The following ADH7 variants were observed in gnomAD, a reference collection of about 807,000 sequenced individuals.
ADH7 encodes the protein all-trans-retinol dehydrogenase [NAD(+)] ADH7.
ADH7 carries 41 observed loss-of-function variants against 34.4 expected under a neutral mutation model. That is an observed-to-expected ratio of 1.19 (90% CI 0.93 to 1.55). ADH7 has a LOEUF of 1.55. ADH7 is among the 40% of genes most tolerant of loss of function. The pLI is 0.00. For missense variants in ADH7, 540 were observed against 461.2 expected, an observed-to-expected ratio of 1.17 and a Z score of -1.56; for synonymous variants, 180 against 160.9, an observed-to-expected ratio of 1.12 and a Z score of -0.90.
Position 99,428,562 on chromosome 4 carries a change from T to C in ADH7, c.189A>G (p.Pro63=). The part of the protein sequence containing the change: ...VIKGTMVSKF[P]VIVGHEATGI... ...CAGTTGCCTCATGTCCCACAATCAC[T>C]GGAAACTTGGACACCATTGTTCCTT... Residue 63 remains proline, a synonymous_variant, in exon 3 of 9, where the codon CCA becomes CCG. Coordinates refer to ENST00000437033, the MANE Select transcript of ADH7 (RefSeq NM_000673.7). The C allele has an allele frequency of 6.2e-7, 1 of 1,613,982 alleles. No individual in the cohort carries two copies. The highest frequency in any genetic ancestry group is 8.5e-7 in the Non-Finnish European group (1 of 1,179,888).
Position 99,415,409 on chromosome 4 carries a change from C to T in ADH7, c.1100+69G>A, listed in dbSNP as rs564388118. ...AAATAAAATATGAAGAAAACAGGCA[C>T]ATTTATAAGTACTAAATTTTAAAAG... is the stretch of plus-strand genomic sequence containing the variant. On this transcript the variant is annotated intron_variant, in intron 8 of 8. Transcript: ENST00000437033. 8.2e-6 allele frequency: 12 copies of T among 1,460,940 alleles called. No individual in the cohort carries two copies. In the Admixed American group the frequency reaches 1.1e-4, roughly 14 times the overall value. 90.5% of individuals were successfully genotyped at this position (1,460,940 alleles called of 1,614,324 possible). A position where few individuals can be genotyped will look rare whatever the true frequency, so the allele number is the denominator to read the frequency against.
intron 7 of ADH7, among the ~76,000 whole-genome samples, chr4:99,417,001 G>T (rs1223165171): frequency 6.6e-6 from 1 of 152,010 alleles, no homozygotes; most frequent in East Asian, 1.9e-4. Flanking sequence ...AAATTTTGTT[G>T]ACTCTATCTT....
intron 8 of ADH7, 27 bp downstream of exon 8, chr4:99,415,451 G>A (rs760762935): frequency 6.2e-7 from 1 of 1,604,724 alleles, no homozygotes; most frequent in Admixed American, 1.7e-5. Context: ...GTGGAGAAGA[G>A]ACAAGATCAT....
At chr4:99,418,736 G>A (rs527664434) in intron 7 of ADH7, among the ~76,000 whole-genome samples, 2 of 152,224 alleles carry the variant, frequency 1.3e-5, no homozygotes, top group Non-Finnish European at 2.9e-5. Context: ...AACACTACTG[G>A]TGTCTCTCAT....
At chr4:99,426,792 A>T (rs1469386589) in intron 5 of ADH7, among the ~76,000 whole-genome samples, 1 of 152,214 alleles carries the variant, frequency 6.6e-6, no homozygotes, top group Non-Finnish European at 1.5e-5. Flanking sequence ...CTTGATGAAC[A>T]TTGATGCAAA....
chr4:99,427,434 AG>A (rs930602902), intron 5 of ADH7, among the ~76,000 whole-genome samples: 2 of 152,158 alleles, frequency 1.3e-5, no homozygotes, highest in Admixed American at 6.6e-5. Context: ...TAGGAGTAAA[AG>A]CTCTGACAAA....
intron 1 of ADH7, among the ~76,000 whole-genome samples, chr4:99,431,312 C>T (rs1244176010): frequency 6.6e-6 from 1 of 152,078 alleles, no homozygotes. Flanking sequence ...TTATATCATA[C>T]ATAAAAGTTA....
At chr4:99,417,283 A>G (rs975510528) in intron 7 of ADH7, among the ~76,000 whole-genome samples, 7 of 152,120 alleles carry the variant, frequency 4.6e-5, no homozygotes, top group East Asian at 1.9e-4. Context: ...ATATAATTTA[A>G]GGTCCTCTGA....
chr4:99,423,103 T>C (rs1180573408), intron 5 of ADH7, among the ~76,000 whole-genome samples: 43 of 145,006 alleles, frequency 3.0e-4, no homozygotes, highest in South Asian at 1.6e-3. Flanking sequence ...GTTCAATTCC[T>C]ATCTATGAGT....
At chr4:99,424,219 A>T (rs1194863835) in intron 5 of ADH7, among the ~76,000 whole-genome samples, 3 of 152,006 alleles carry the variant, frequency 2.0e-5, no homozygotes, top group Admixed American at 6.6e-5. Context: ...GAGGGCTCTG[A>T]TCTGTTCCAT....
At chr4:99,421,067 A>G (rs1721647122) in intron 5 of ADH7, among the ~76,000 whole-genome samples, 1 of 152,244 alleles carries the variant, frequency 6.6e-6, no homozygotes, top group Non-Finnish European at 1.5e-5. Flanking sequence ...GAAAATGGCC[A>G]TACTGCCCAA....
intron 6 of ADH7, among the ~76,000 whole-genome samples, chr4:99,420,105 GT>G (rs749826297): frequency 5.0e-4 from 76 of 152,298 alleles, no homozygotes; most frequent in Non-Finnish European, 2.5e-4. Flanking sequence ...GAGTGAGAAG[GT>G]CGATGGATCA....
At chr4:99,427,695 A>C in intron 5 of ADH7, 78 bp downstream of exon 5, 2 of 1,095,454 alleles carry the variant, frequency 1.8e-6, no homozygotes, top group Non-Finnish European at 2.4e-6. Context: ...TTTTTTTTCC[A>C]AAACTCTTCA....
intron 8 of ADH7, among the ~76,000 whole-genome samples, chr4:99,414,006 G>C (rs1721463705): frequency 6.6e-6 from 1 of 152,188 alleles, no homozygotes; most frequent in African/African-American, 2.4e-5. Flanking sequence ...TGTGCAGGAA[G>C]TAGGTGGAAA....
chr4:99,428,091 T>C lies in ADH7; in HGVS notation c.343A>G (p.Ser115Gly). 1 of 1,613,968 alleles carries C rather than the reference T, an allele frequency of 6.2e-7. No individual in the cohort carries two copies. The highest frequency in any genetic ancestry group is 8.5e-7 in the Non-Finnish European group (1 of 1,179,898). ...RNPDGNLCIR[S>G]DITGRGVLAD... The stretch of plus-strand genomic sequence containing the variant: ...GTAAAAATGACTGAAACCTACTCGC[T>C]CCTAATGCAAAGGTTGCCATCTGGG... Residue 115 changes from serine to glycine, a missense_variant, in exon 4 of 9, where the codon AGC (serine) becomes GGC (glycine). Physicochemically the swap from Ser to Gly is moderately conservative, Grantham distance 56 (BLOSUM62 0). Coordinates refer to ENST00000437033, the MANE Select transcript of ADH7 (RefSeq NM_000673.7).
rs1349516631 is a variant in ADH7, at chr4:99,420,566, G to A, written c.792C>T (p.Tyr264=). The part of the protein sequence containing the change: ...LSEMTGNNVG[Y]TFEVIGHLET... ...CAAGATGCCCAATAACTTCAAAGGT[G>A]TATCCCACGTTGTTGCCTGTCATTT... Residue 264 remains tyrosine (Y), a synonymous_variant, in exon 6 of 9, where the codon TAC becomes TAT. Transcript: ENST00000437033. 2 of 1,613,784 alleles carry A rather than the reference G, an allele frequency of 1.2e-6. No homozygotes were observed. Among genetic ancestry groups the A allele is most frequent in the African/African-American group, 1.3e-5 (1 of 74,926 alleles).
intron 1 of ADH7, among the ~76,000 whole-genome samples, chr4:99,434,674 G>C (rs1203277145): frequency 2.0e-5 from 3 of 151,984 alleles, no homozygotes; most frequent in Non-Finnish European, 4.4e-5. Flanking sequence ...ATATAGTCTT[G>C]ATTTTAAAGA....
At chr4:99,419,461 T>A (rs1721598342) in intron 6 of ADH7, among the ~76,000 whole-genome samples, 1 of 152,066 alleles carries the variant, frequency 6.6e-6, no homozygotes, top group South Asian at 2.1e-4. Context: ...TAAATTGAAT[T>A]AAGTATACCA....
chr4:99,431,641 C>T (rs1274029959), intron 1 of ADH7, among the ~76,000 whole-genome samples: 1 of 151,946 alleles, frequency 6.6e-6, no homozygotes, highest in African/African-American at 2.4e-5. Context: ...ACAAACAACG[C>T]CATAAAAAAC....
Sources: allele counts gnomAD v4.1 joint callset (sites outside exome capture counted in the v4.1 genomes callset), GRCh38; gene constraint gnomAD v4.1.1; transcripts MANE v1.5; gene names NCBI Gene and HGNC (gene_info 2026-07-23, HGNC 2026-07-21).